TLL1: variants seen among roughly 807,000 people sequenced by gnomAD.
TLL1 encodes tolloid-like protein 1.
Under a neutral mutation model 128.2 loss-of-function variants are expected in TLL1, and 49 were observed. The observed-to-expected ratio is 0.38, with a 90% CI of 0.30 to 0.48. The LOEUF (loss-of-function observed/expected upper bound fraction) is 0.48. TLL1 is among the 20% of genes least tolerant of loss of function. TLL1 has a pLI of 0.96. For synonymous variants in TLL1, 454 were observed against 418.8 expected (o/e 1.08, Z -1.03); for missense variants, 1,123 against 1,242.0 (o/e 0.90, Z 1.44).
chr4:166,030,342 T>C (rs1031136634), intron 9 of TLL1: 12 of 406,044 alleles, frequency 3.0e-5, no homozygotes, highest in Non-Finnish European at 5.2e-5. Flanking sequence ...TTTGCCTATG[T>C]TTAAATCAGA....
intron 18 of TLL1, among the ~76,000 whole-genome samples, chr4:166,082,498 A>T (rs890490313): frequency 1.3e-5 from 2 of 152,164 alleles, no homozygotes; most frequent in Non-Finnish European, 2.9e-5. Context: ...ATTATTGCGT[A>T]TATCAGCCAA....
chr4:165,909,344 C>T (rs961686433), intron 1 of TLL1, among the ~76,000 whole-genome samples: 4 of 152,058 alleles, frequency 2.6e-5, no homozygotes, highest in African/African-American at 7.2e-5. Context: ...AACATTCAAA[C>T]GGTAAGTTCA....
chr4:166,047,979 G>A (rs1739534879), intron 12 of TLL1, among the ~76,000 whole-genome samples: 2 of 152,206 alleles, frequency 1.3e-5, no homozygotes, highest in East Asian at 1.9e-4. Context: ...GCTCATGCCT[G>A]TAATCTCAGC....
intron 9 of TLL1, among the ~76,000 whole-genome samples, chr4:166,033,830 G>A (rs1738882164): frequency 6.6e-6 from 1 of 152,126 alleles, no homozygotes; most frequent in South Asian, 2.1e-4. Context: ...GCTGATAGAA[G>A]CGCATGGTAT....
At chr4:165,976,029 C>A (rs1250694836) in intron 1 of TLL1, among the ~76,000 whole-genome samples, 1 of 65,724 alleles carries the variant, frequency 1.5e-5, no homozygotes, top group Non-Finnish European at 2.5e-5. Flanking sequence ...AGTGAGATTC[C>A]ATCTCAAAAA....
chr4:166,063,312 A>G (rs1279950742), intron 15 of TLL1, among the ~76,000 whole-genome samples: 2 of 152,200 alleles, frequency 1.3e-5, no homozygotes, highest in Admixed American at 6.5e-5. Flanking sequence ...CACCAGTTAG[A>G]ATGGTGATCA....
chr4:166,082,705 T>G (rs933892186), intron 18 of TLL1, among the ~76,000 whole-genome samples: 1 of 152,014 alleles, frequency 6.6e-6, no homozygotes, highest in Non-Finnish European at 1.5e-5. Flanking sequence ...GGAGGTGGAG[T>G]CTCGCTCTGT....
chr4:166,072,797 G>A (rs1167062509), intron 16 of TLL1, among the ~76,000 whole-genome samples: 1 of 152,028 alleles, frequency 6.6e-6, no homozygotes, highest in Non-Finnish European at 1.5e-5. Context: ...TATGTTTCAT[G>A]CATGGCAATC....
At chr4:165,928,123 C>A (rs1417682702) in intron 1 of TLL1, among the ~76,000 whole-genome samples, 1 of 152,154 alleles carries the variant, frequency 6.6e-6, no homozygotes, top group Non-Finnish European at 1.5e-5. Flanking sequence ...CTTATGCTTT[C>A]AATTCTTTGT....
Position 165,873,953 on chromosome 4 carries a change from T to G in TLL1, c.49T>G (p.Ser17Ala), listed in dbSNP as rs1579426573. The G allele has an allele frequency of 4.3e-6, 7 of 1,614,120 alleles. No homozygotes were observed. The highest frequency in any genetic ancestry group is 5.9e-6 in the Non-Finnish European group (7 of 1,180,034). ...SPRMLVWLVASGIVFYGELWV... is the reference protein window; with the variant it reads ...SPRMLVWLVAAGIVFYGELWV... ...GAGGATGCTCGTGTGGCTGGTGGCC[T>G]CGGGGATTGTTTTCTACGGGGAGCT... The change falls in exon 1 of 21, where the codon TCG (serine) becomes GCG (alanine). Residue 17 changes from serine to alanine, a missense_variant. Transcript: ENST00000061240.
intron 18 of TLL1, among the ~76,000 whole-genome samples, chr4:166,087,595 A>C (rs757266931): frequency 6.6e-6 from 1 of 152,150 alleles, no homozygotes; most frequent in Non-Finnish European, 1.5e-5. Flanking sequence ...TTTTAGTTTA[A>C]ATGTTCACCC....
rs1166529645 is a variant in TLL1 at position 165,934,178 on chromosome 4, T to TC, written c.170-55203_170-55202insC. On this transcript the variant is annotated intron_variant, in intron 1 of 20. Coordinates refer to ENST00000061240, the MANE Select transcript of TLL1 (RefSeq NM_012464.5). The stretch of plus-strand genomic sequence containing the variant: ...CACGCCCAGCTAATTTTTTGCTTTT[T>TC]TTTTTTTTTTTTTTTTAGTAGGGAC... Among the ~76,000 whole-genome samples, 8 of 147,206 alleles carry TC rather than the reference T, an allele frequency of 5.4e-5. 1 individual carries two copies. In the East Asian group the frequency reaches 1.6e-3, roughly 29 times the overall value.
chr4:166,073,331 T>A (rs529328594), intron 16 of TLL1, among the ~76,000 whole-genome samples: 285 of 152,280 alleles, frequency 1.9e-3, no homozygotes, highest in Non-Finnish European at 2.4e-3. Flanking sequence ...TCATAAACTA[T>A]AATTCTCACT....
chr4:165,994,351 T>A (rs751894790), intron 3 of TLL1, 30 bp from the exon 4 acceptor site: 1 of 1,613,834 alleles, frequency 6.2e-7, no homozygotes, highest in South Asian at 1.1e-5. Flanking sequence ...AGAACTTCTG[T>A]TTCACAGAAT....
intron 1 of TLL1, among the ~76,000 whole-genome samples, chr4:165,977,879 TA>T (rs1335239177): frequency 6.6e-6 from 1 of 152,200 alleles, no homozygotes; most frequent in African/African-American, 2.4e-5. Context: ...ATGTGTTGTT[TA>T]AAATACATTT....
chr4:166,082,940 A>G (rs150177298), intron 18 of TLL1, among the ~76,000 whole-genome samples: 9,786 of 152,110 alleles, frequency 0.064, 548 homozygotes, highest in African/African-American at 0.14. Flanking sequence ...ACCTCCCAAA[A>G]TGCTGGGATT....
intron 1 of TLL1, among the ~76,000 whole-genome samples, chr4:165,909,621 A>G (rs1732434259): frequency 6.6e-6 from 1 of 152,228 alleles, no homozygotes; most frequent in Non-Finnish European, 1.5e-5. Context: ...GGGAAAAGCT[A>G]TAAGGGTTTG....
At chr4:166,003,719 T>G in intron 6 of TLL1, 150 bp downstream of exon 6, 1 of 804,312 alleles carries the variant, frequency 1.2e-6, no homozygotes, top group Non-Finnish European at 2.0e-6. Flanking sequence ...TCACCCATGA[T>G]GATTTTATAT....
intron 7 of TLL1, among the ~76,000 whole-genome samples, chr4:166,010,529 A>T (rs1020987792): frequency 4.6e-5 from 7 of 150,926 alleles, no homozygotes; most frequent in African/African-American, 1.7e-4. Context: ...ATTCTGATTA[A>T]ACCACTTAAT....
Sources: gnomAD v4.1 joint callset for allele counts (sites outside exome capture counted in the v4.1 genomes callset) on GRCh38, gnomAD v4.1.1 for gene constraint, MANE v1.5 for transcripts, NCBI Gene and HGNC (gene_info 2026-07-23, HGNC 2026-07-21) for gene names.